The following BMPER variants were observed in gnomAD, a reference collection of about 807,000 sequenced individuals.
BMPER encodes the protein BMP-binding endothelial regulator protein.
Under a neutral mutation model 87.3 loss-of-function variants are expected in BMPER, and 45 were observed. The observed-to-expected ratio is 0.52, with a 90% CI of 0.41 to 0.66. The LOEUF (loss-of-function observed/expected upper bound fraction) is 0.66, where lower values mean the gene tolerates loss of function less well. BMPER is among the 30% of genes least tolerant of loss of function. The pLI is 0.00. For missense variants in BMPER, 784 were observed against 867.5 expected, an observed-to-expected ratio of 0.90 and a Z score of 1.21; for synonymous variants, 326 against 316.2, an observed-to-expected ratio of 1.03 and a Z score of -0.33.
intron 3 of BMPER, among the ~76,000 whole-genome samples, chr7:33,961,254 T>G (rs1044723482): frequency 6.6e-6 from 1 of 152,164 alleles, no homozygotes; most frequent in South Asian, 2.1e-4. Context: ...ATATCTTTGA[T>G]GTTTACAGTA....
At chr7:33,968,899 C>T (rs1194592475) in intron 4 of BMPER, among the ~76,000 whole-genome samples, 1 of 152,222 alleles carries the variant, frequency 6.6e-6, no homozygotes, top group Non-Finnish European at 1.5e-5. Context: ...CCTGAATCCT[C>T]CATCTGGATT....
chr7:33,982,913 C>A (rs1298363823), intron 6 of BMPER, among the ~76,000 whole-genome samples: 1 of 152,090 alleles, frequency 6.6e-6, no homozygotes, highest in Non-Finnish European at 1.5e-5. Context: ...TTTAGAGGAT[C>A]TGGCTTAAGA....
intron 10 of BMPER, among the ~76,000 whole-genome samples, chr7:34,060,611 A>G (rs1275466878): frequency 1.3e-5 from 2 of 152,232 alleles, no homozygotes; most frequent in African/African-American, 4.8e-5. Flanking sequence ...AAAGATCTTC[A>G]ATAATTAACC....
At chr7:34,037,492 T>C (rs978056931) in intron 6 of BMPER, among the ~76,000 whole-genome samples, 1 of 151,926 alleles carries the variant, frequency 6.6e-6, no homozygotes, top group Non-Finnish European at 1.5e-5. Context: ...TCTTGAAATA[T>C]AGCAAACATG....
chr7:33,945,098 C>T (rs1378906137), intron 3 of BMPER, among the ~76,000 whole-genome samples: 3 of 151,854 alleles, frequency 2.0e-5, no homozygotes, highest in Non-Finnish European at 4.4e-5. Flanking sequence ...CCTGCCAACA[C>T]GCCCGGCTAA....
In BMPER at chr7:34,051,944, G is replaced by A. The variant is rs267601491; in HGVS notation, c.760G>A (p.Asp254Asn). 18 of 1,613,614 alleles carry A rather than the reference G, an allele frequency of 1.1e-5. No individual in the cohort carries two copies. In the Admixed American group the frequency reaches 1.3e-4, roughly 12 times the overall value. Residue 254 changes from aspartate (D) to asparagine (N), a missense_variant, in exon 8 of 15, where the codon GAT becomes AAT. Coordinates refer to ENST00000649409, the MANE Select transcript of BMPER (RefSeq NM_001365308.1). The part of the protein sequence containing the change: ...VYDNGSSFLY[D>N]NCTACTCRDS... ...TGACAATGGATCCTCATTTCTGTAC[G>A]ATAACTGCACAGCTTGTACCTGCAG...
intron 6 of BMPER, among the ~76,000 whole-genome samples, chr7:34,043,333 C>G (rs533144284): frequency 6.6e-6 from 1 of 152,284 alleles, no homozygotes; most frequent in African/African-American, 2.4e-5. Context: ...GTTCATGATG[C>G]CTTCTGCATT....
At chr7:33,919,490 TC>T (rs1358693638) in intron 2 of BMPER, among the ~76,000 whole-genome samples, 1 of 152,196 alleles carries the variant, frequency 6.6e-6, no homozygotes, top group Non-Finnish European at 1.5e-5. Context: ...AATGGGATCT[TC>T]TGTATATCCT....
chr7:34,126,773 A>T (rs1469722952), intron 13 of BMPER, among the ~76,000 whole-genome samples: 1 of 152,164 alleles, frequency 6.6e-6, no homozygotes, highest in Non-Finnish European at 1.5e-5. Context: ...ACTCCTTACC[A>T]TAGCATCGTT....
Position 34,061,991 on chromosome 7 carries a change from C to A in BMPER, c.1033-11C>A. 6.4e-6 allele frequency: 9 copies of A among 1,416,454 alleles called. No homozygotes were observed. Among genetic ancestry groups the A allele is most frequent in the African/African-American group, 1.5e-5 (1 of 64,612 alleles). The allele number at this position is 1,416,454 out of a possible 1,614,324, so 87.7% of individuals were successfully genotyped here. On this transcript the variant is annotated splice_polypyrimidine_tract_variant and intron_variant, in intron 10 of 14. Coordinates refer to ENST00000649409, the MANE Select transcript of BMPER (RefSeq NM_001365308.1). The stretch of plus-strand genomic sequence containing the variant: ...AAACAGTAACTTTGTATTTGTTTTT[C>A]TTCTGATTAGGGCAAAATTCTCAAC...
intron 10 of BMPER, among the ~76,000 whole-genome samples, chr7:34,059,744 G>GAA (rs76980222): frequency 4.5e-4 from 57 of 127,030 alleles, no homozygotes; most frequent in Middle Eastern, 4.3e-3. Context: ...GGAAATTTTG[G>GAA]AAAAAAAAAA....
chr7:34,049,341 C>G (rs1287607763), intron 7 of BMPER, among the ~76,000 whole-genome samples: 1 of 152,136 alleles, frequency 6.6e-6, no homozygotes, highest in Non-Finnish European at 1.5e-5. Flanking sequence ...GTAAAATTTT[C>G]ATTTTAGTGA....
chr7:33,967,228 T>C (rs1282006768), intron 4 of BMPER, among the ~76,000 whole-genome samples: 1 of 152,204 alleles, frequency 6.6e-6, no homozygotes, highest in Non-Finnish European at 1.5e-5. Flanking sequence ...TTTTTATAAA[T>C]AATCTGCCAC....
At chr7:34,056,334 A>G (rs1055164474) in intron 9 of BMPER, among the ~76,000 whole-genome samples, 4 of 152,190 alleles carry the variant, frequency 2.6e-5, no homozygotes, top group Non-Finnish European at 4.4e-5. Context: ...GTAAACCACT[A>G]TGGCACACGT....
intron 13 of BMPER, among the ~76,000 whole-genome samples, chr7:34,124,179 A>G (rs1790336422): frequency 6.6e-6 from 1 of 152,042 alleles, no homozygotes; most frequent in South Asian, 2.1e-4. Context: ...CTGTTTCCCA[A>G]CTGCTCGCTC....
chr7:34,041,358 C>A (rs1787828076), intron 6 of BMPER, among the ~76,000 whole-genome samples: 1 of 152,306 alleles, frequency 6.6e-6, no homozygotes, highest in African/African-American at 2.4e-5. Flanking sequence ...TGGAGGTGTC[C>A]TGTCTCCCCT....
intron 3 of BMPER, among the ~76,000 whole-genome samples, chr7:33,953,388 T>C (rs1381692704): frequency 6.6e-6 from 1 of 152,232 alleles, no homozygotes; most frequent in African/African-American, 2.4e-5. Flanking sequence ...TGGAAGTAGA[T>C]GGGGAATCAA....
intron 11 of BMPER, among the ~76,000 whole-genome samples, 196 bp from the exon 12 acceptor site, chr7:34,078,661 A>G (rs1385364871): frequency 6.6e-6 from 1 of 152,220 alleles, no homozygotes; most frequent in African/African-American, 2.4e-5. Context: ...ACTTTCAAGT[A>G]TAAAAGAACC....
At chr7:34,027,131 T>G (rs1031997916) in intron 6 of BMPER, among the ~76,000 whole-genome samples, 21 of 152,156 alleles carry the variant, frequency 1.4e-4, no homozygotes, top group Admixed American at 1.4e-3. Flanking sequence ...TTCAAGAATG[T>G]AAAAGTCAAA....
Sources: allele counts gnomAD v4.1 joint callset (sites outside exome capture counted in the v4.1 genomes callset), GRCh38; gene constraint gnomAD v4.1.1; transcripts MANE v1.5; gene names NCBI Gene and HGNC (gene_info 2026-07-23, HGNC 2026-07-21).